SPRYD7: variants seen among roughly 807,000 people sequenced by gnomAD.
SPRYD7 encodes the protein SPRY domain-containing protein 7.
Under a neutral mutation model 23.8 loss-of-function variants are expected in SPRYD7, and 14 were observed. The ratio of observed to expected loss-of-function variants is 0.59; its 90% CI spans 0.39 to 0.92. SPRYD7 has a LOEUF of 0.92. Ranked by LOEUF, SPRYD7 falls within the 40% of genes least tolerant of loss-of-function variation. The pLI is 0.00. For synonymous variants in SPRYD7, 75 were observed against 84.9 expected (o/e 0.88, Z 0.64); for missense variants, 194 against 241.7 (o/e 0.80, Z 1.31).
Position 49,915,033 on chromosome 13 carries a change from C to T in SPRYD7, c.*30G>A, listed in dbSNP as rs747758601. The T allele has an allele frequency of 3.0e-5, 38 of 1,274,822 alleles. No individual in the cohort carries two copies. Among genetic ancestry groups the T allele is most frequent in the Non-Finnish European group, 3.3e-6 (3 of 899,956 alleles). 79.0% of individuals were successfully genotyped at this position (1,274,822 alleles called of 1,614,324 possible). ...AAATGATGAACATTTTTTAACAGTG[C>T]AGAAATACAAGTTTTAAAAACAAAT... is the stretch of plus-strand genomic sequence containing the variant. On this transcript the variant is annotated 3_prime_UTR_variant, in exon 5 of 5. Transcript: ENST00000361840.
chr13:49,915,562 A>G (rs753842275), intron 4 of SPRYD7, among the ~76,000 whole-genome samples: 4 of 152,178 alleles, frequency 2.6e-5, no homozygotes, highest in Non-Finnish European at 4.4e-5. Flanking sequence ...AGTCCAGTGC[A>G]CCCTTTGTAC....
rs772232047 is a variant in SPRYD7, at chr13:49,921,467, T to C, written c.493+11A>G. Reference sequence around the variant, plus strand: ...TGTATGTAATAATACATTAGAAATATTTTTGCTTACCATAAACAACTGGAT... The same window carrying C: ...TGTATGTAATAATACATTAGAAATACTTTTGCTTACCATAAACAACTGGAT... On this transcript the variant is annotated intron_variant, in intron 4 of 4. Transcript: ENST00000361840. 1.0e-5 allele frequency: 16 copies of C among 1,542,506 alleles called. No homozygotes were observed. Among genetic ancestry groups the C allele is most frequent in the Non-Finnish European group, 1.3e-5 (15 of 1,115,702 alleles).
chr13:49,932,617 CA>C (rs1269958163), intron 1 of SPRYD7, among the ~76,000 whole-genome samples: 2 of 152,172 alleles, frequency 1.3e-5, no homozygotes. Flanking sequence ...ACTTTGCTGG[CA>C]ATAACTGTAC....
intron 3 of SPRYD7, among the ~76,000 whole-genome samples, chr13:49,924,004 CAG>C (rs1480642889): frequency 7.0e-6 from 1 of 143,668 alleles, no homozygotes; most frequent in African/African-American, 2.6e-5. Context: ...TTTTTTGAGG[CAG>C]AGTTTCGTTC....
intron 2 of SPRYD7, 44 bp from the exon 3 acceptor site, chr13:49,928,129 C>T (rs757437416): frequency 1.3e-6 from 2 of 1,548,448 alleles, no homozygotes; most frequent in Middle Eastern, 1.7e-4. Flanking sequence ...CTGAAGACTA[C>T]AACCATCGAG....
At chr13:49,931,805 T>C (rs1871396174) in intron 1 of SPRYD7, among the ~76,000 whole-genome samples, 1 of 151,586 alleles carries the variant, frequency 6.6e-6, no homozygotes, top group Admixed American at 6.6e-5. Flanking sequence ...AAAAATTAGC[T>C]GGTGTGGTGG....
intron 2 of SPRYD7, among the ~76,000 whole-genome samples, chr13:49,929,366 T>C (rs758982370): frequency 1.3e-5 from 2 of 152,206 alleles, no homozygotes; most frequent in African/African-American, 2.4e-5. Flanking sequence ...GGAAATTTTA[T>C]ATCATTCAAG....
At chr13:49,933,123 T>C (rs1382688498) in intron 1 of SPRYD7, among the ~76,000 whole-genome samples, 2 of 152,192 alleles carry the variant, frequency 1.3e-5, no homozygotes, top group African/African-American at 4.8e-5. Context: ...CAGACTTCCC[T>C]CTGGAGATCA....
At chr13:49,930,181 C>T (rs1265553602) in intron 2 of SPRYD7, among the ~76,000 whole-genome samples, 1 of 152,162 alleles carries the variant, frequency 6.6e-6, no homozygotes, top group Non-Finnish European at 1.5e-5. Flanking sequence ...AATTGCTTTA[C>T]AGTTCAAGAA....
In SPRYD7 at chr13:49,921,504, C is replaced by T. The variant is rs754283290; in HGVS notation, c.467G>A (p.Arg156Gln). ...KNMHCPASGI[R>Q]GTVYPVVYVD... ...ATAAACAACTGGATACACTGTCCCTCGTATACCTGATGCTGGACAATGCAT... is the reference window on the plus strand; with the variant it reads ...ATAAACAACTGGATACACTGTCCCTTGTATACCTGATGCTGGACAATGCAT... The change falls in exon 4 of 5, where the codon CGA (arginine) becomes CAA (glutamine). Residue 156 changes from arginine (R) to glutamine (Q), a missense_variant. Transcript: ENST00000361840. The T allele has an allele frequency of 6.2e-6, 10 of 1,612,764 alleles. No homozygotes were observed. The highest frequency in any genetic ancestry group is 1.1e-5 in the South Asian group (1 of 91,062).
In SPRYD7 at chr13:49,936,090, C is replaced by T. The variant is rs376668172; in HGVS notation, c.106+40G>A. 1.0e-4 allele frequency: 153 copies of T among 1,480,394 alleles called. 1 individual carries two copies. The African/African-American group carries it at 1.8e-3, about 18-fold the overall frequency. The allele number at this position is 1,480,394 out of a possible 1,614,324, so 91.7% of individuals were successfully genotyped here. A position where few individuals can be genotyped will look rare whatever the true frequency, so the allele number is the denominator to read the frequency against. Reference sequence around the variant, plus strand: ...GGTCCCCCTGCCCGCCGCGCCCGGCCCCCGTGAGCCGTTGGGTCTGGGGAA... The same window carrying T: ...GGTCCCCCTGCCCGCCGCGCCCGGCTCCCGTGAGCCGTTGGGTCTGGGGAA... On this transcript the variant is annotated intron_variant, in intron 1 of 4. Transcript: ENST00000361840.
Position 49,920,249 on chromosome 13 carries a change from GCAAAACAAAACAAAA to G in SPRYD7, c.493+1214_493+1228del, listed in dbSNP as rs113040426. 8.0e-4 allele frequency among the ~76,000 whole-genome samples: 120 copies of G among 149,522 alleles called. 1 individual carries two copies. Among genetic ancestry groups the G allele is most frequent in the Admixed American group, 4.8e-3 (72 of 14,960 alleles). ...CTGGGGGACACAGCAAGACTCTGTC[GCAAAACAAAACAAAA>G]CAAAACAAAACAAAACAAAAAAACA... On this transcript the variant is annotated intron_variant, in intron 4 of 4. Coordinates refer to ENST00000361840, the MANE Select transcript of SPRYD7 (RefSeq NM_020456.4).
intron 3 of SPRYD7, among the ~76,000 whole-genome samples, chr13:49,922,963 A>G (rs1313109757): frequency 6.6e-6 from 1 of 152,190 alleles, no homozygotes; most frequent in Non-Finnish European, 1.5e-5. Context: ...AACAATTATT[A>G]ATAATTAAGG....
chr13:49,935,447 T>C (rs563407350), intron 1 of SPRYD7, among the ~76,000 whole-genome samples: 1 of 152,184 alleles, frequency 6.6e-6, no homozygotes, highest in Non-Finnish European at 1.5e-5. Flanking sequence ...ATAAATTATA[T>C]GGATTTGGAA....
At chr13:49,924,456 T>A (rs564551222) in intron 3 of SPRYD7, among the ~76,000 whole-genome samples, 2 of 152,074 alleles carry the variant, frequency 1.3e-5, no homozygotes, top group East Asian at 3.9e-4. Flanking sequence ...TCTTTTTAAA[T>A]TTTATTTATT....
At chr13:49,934,359 A>T (rs1293363683) in intron 1 of SPRYD7, among the ~76,000 whole-genome samples, 1 of 152,088 alleles carries the variant, frequency 6.6e-6, no homozygotes, top group East Asian at 1.9e-4. Context: ...GTTCGAGACC[A>T]GCCTGACCAA....
intron 3 of SPRYD7, among the ~76,000 whole-genome samples, chr13:49,923,718 C>A (rs938257229): frequency 1.0e-3 from 158 of 151,732 alleles, no homozygotes; most frequent in African/African-American, 3.5e-3. Context: ...AGTGGCGCGA[C>A]CTTGGCTCAG....
intron 3 of SPRYD7, among the ~76,000 whole-genome samples, chr13:49,926,147 T>C (rs753959692): frequency 6.6e-6 from 1 of 152,218 alleles, no homozygotes; most frequent in Non-Finnish European, 1.5e-5. Flanking sequence ...ATGTATTTCA[T>C]AGTTTTAGTT....
Position 49,928,865 on chromosome 13 carries a change from G to A in SPRYD7, c.224-780C>T, listed in dbSNP as rs1594516892. On this transcript the variant is annotated intron_variant, in intron 2 of 4. Coordinates refer to ENST00000361840, the MANE Select transcript of SPRYD7 (RefSeq NM_020456.4). Reference sequence around the variant, plus strand: ...AGCTCTCCCTTTGAAAAGTGGGAATGTACTGTCTTCAGTTTTTACATCTAC... The same window carrying A: ...AGCTCTCCCTTTGAAAAGTGGGAATATACTGTCTTCAGTTTTTACATCTAC... 2.0e-5 allele frequency among the ~76,000 whole-genome samples: 3 copies of A among 152,306 alleles called. 1 individual carries two copies. The highest frequency in any genetic ancestry group is 2.0e-4 in the Admixed American group (3 of 15,302).
Sources: gnomAD v4.1 joint callset for allele counts (sites outside exome capture counted in the v4.1 genomes callset) on GRCh38, gnomAD v4.1.1 for gene constraint, MANE v1.5 for transcripts, NCBI Gene and HGNC (gene_info 2026-07-23, HGNC 2026-07-21) for gene names.